The following KLF7 variants were observed in gnomAD, a reference collection of about 807,000 sequenced individuals.
The protein encoded by KLF7 is KLF transcription factor 7.
KLF7 carries 2 observed loss-of-function variants against 27.3 expected under a neutral mutation model. The ratio of observed to expected loss-of-function variants is 0.07; its 90% CI spans 0.03 to 0.23. KLF7 has a LOEUF of 0.23. Ranked by LOEUF, KLF7 falls within the 10% of genes least tolerant of loss-of-function variation. KLF7 has a pLI of 1.00. For synonymous variants in KLF7, 165 were observed against 162.4 expected, an observed-to-expected ratio of 1.02 and a Z score of -0.12; for missense variants, 221 against 394.1, an observed-to-expected ratio of 0.56 and a Z score of 3.72.
intron 2 of KLF7, among the ~76,000 whole-genome samples, chr2:207,117,464 C>G (rs1457770866): frequency 2.6e-5 from 4 of 152,162 alleles, no homozygotes; most frequent in Non-Finnish European, 4.4e-5. Flanking sequence ...AACATTTAAC[C>G]CTTATTCTTG....
intron 2 of KLF7, chr2:207,110,033 T>C (rs773169227): frequency 1.9e-5 from 3 of 154,848 alleles, no homozygotes; most frequent in Middle Eastern, 5.1e-4. Flanking sequence ...CATACGATTA[T>C]AATAGCATAT....
intron 2 of KLF7, among the ~76,000 whole-genome samples, chr2:207,118,261 C>T (rs1452364838): frequency 2.0e-5 from 3 of 152,022 alleles, no homozygotes; most frequent in African/African-American, 7.3e-5. Context: ...CTCTCTTTAA[C>T]ACTAACATTA....
intron 1 of KLF7, among the ~76,000 whole-genome samples, chr2:207,131,187 A>G (rs2077624304): frequency 6.6e-6 from 1 of 152,230 alleles, no homozygotes; most frequent in African/African-American, 2.4e-5. Flanking sequence ...TGGTGGTGAG[A>G]AGGATGATGC....
chr2:207,112,479 G>A (rs1225964741), intron 2 of KLF7, among the ~76,000 whole-genome samples: 1 of 152,174 alleles, frequency 6.6e-6, no homozygotes, highest in African/African-American at 2.4e-5. Flanking sequence ...TTGTGATAGG[G>A]TATGGTGGAT....
In KLF7 at chr2:207,079,191, G is replaced by C. The variant is rs1046234456; in HGVS notation, c.*2022C>G. The C allele has an allele frequency of 2.6e-5, 4 of 152,126 alleles. No individual in the cohort carries two copies. The highest frequency in any genetic ancestry group is 5.9e-5 in the Non-Finnish European group (4 of 68,038). The allele number at this position is 152,126 out of a possible 1,614,324, so 9.4% of individuals were successfully genotyped here. A position where few individuals can be genotyped will look rare whatever the true frequency, so the allele number is the denominator to read the frequency against. On this transcript the variant is annotated 3_prime_UTR_variant, in exon 4 of 4. Transcript: ENST00000309446. ...TCCAATTGGCAGCTATAGCATTTGT[G>C]AGGAGGTTCCTTTGCCCTCAGACGA... is the stretch of plus-strand genomic sequence containing the variant.
rs1245096155 is a variant in KLF7 at position 207,131,323 on chromosome 2, T to A, written c.103-6919A>T. Among the ~76,000 whole-genome samples the A allele has an allele frequency of 2.0e-5, 3 of 152,344 alleles. No homozygotes were observed. In the East Asian group the frequency reaches 5.8e-4, roughly 29 times the overall value. ...TCTGACATTTATTGTGTGGTTTTTG[T>A]CACATGCTATTAACCATGGTGTCAC... On this transcript the variant is annotated intron_variant, in intron 1 of 3. Coordinates refer to ENST00000309446, the MANE Select transcript of KLF7 (RefSeq NM_003709.4).
In KLF7 at chr2:207,077,963, G is replaced by C. The variant is rs754606738; in HGVS notation, c.*3250C>G. The C allele has an allele frequency of 6.6e-6, 1 of 152,214 alleles. No homozygotes were observed. The highest frequency in any genetic ancestry group is 2.4e-5 in the African/African-American group (1 of 41,436). The allele number at this position is 152,214 out of a possible 1,614,324, so 9.4% of individuals were successfully genotyped here. A position where few individuals can be genotyped will look rare whatever the true frequency, so the allele number is the denominator to read the frequency against. ...AGGTAACAACTGAAATGAGAAAGGGGTTTAATGTGTTTCAAATGTCCATTA... is the reference window on the plus strand; with the variant it reads ...AGGTAACAACTGAAATGAGAAAGGGCTTTAATGTGTTTCAAATGTCCATTA... On this transcript the variant is annotated 3_prime_UTR_variant, in exon 4 of 4. Transcript: ENST00000309446.
chr2:207,152,208 G>C (rs1183343145), intron 1 of KLF7, among the ~76,000 whole-genome samples: 1 of 148,750 alleles, frequency 6.7e-6, no homozygotes, highest in Non-Finnish European at 1.5e-5. Context: ...GCGGTTAATG[G>C]AATTCTCTAC....
chr2:207,164,351 G>A (rs949018178), intron 1 of KLF7, among the ~76,000 whole-genome samples: 2 of 152,104 alleles, frequency 1.3e-5, no homozygotes, highest in Admixed American at 1.3e-4. Context: ...GGTTTCTCCA[G>A]GACGGACTGT....
upstream of KLF7, chr2:207,167,176 T>G: frequency 7.0e-7 from 1 of 1,421,758 alleles, no homozygotes; most frequent in Non-Finnish European, 9.2e-7. Context: ...AGAGCTTCGA[T>G]GGTGAGAGGA....
At chr2:207,111,486 T>A (rs753835532) in intron 2 of KLF7, among the ~76,000 whole-genome samples, 1 of 152,230 alleles carries the variant, frequency 6.6e-6, no homozygotes, top group African/African-American at 2.4e-5. Context: ...TATTGTGGCT[T>A]AGCAGCAGCC....
intron 1 of KLF7, among the ~76,000 whole-genome samples, chr2:207,142,335 G>T (rs2077966145): frequency 6.6e-6 from 1 of 152,140 alleles, no homozygotes; most frequent in Non-Finnish European, 1.5e-5. Context: ...AACTCTGATG[G>T]CCTTTCAGGG....
chr2:207,135,684 A>G (rs2077764177), intron 1 of KLF7, among the ~76,000 whole-genome samples: 1 of 152,228 alleles, frequency 6.6e-6, no homozygotes, highest in Non-Finnish European at 1.5e-5. Flanking sequence ...GAAAGCCAGA[A>G]ATTCTTCCTT....
intron 1 of KLF7, among the ~76,000 whole-genome samples, chr2:207,132,826 A>G (rs1193930748): frequency 6.6e-6 from 1 of 152,244 alleles, no homozygotes; most frequent in Non-Finnish European, 1.5e-5. Context: ...ACAACTTGGA[A>G]ATGCATTTTC....
At chr2:207,138,855 A>T (rs768090) in intron 1 of KLF7, among the ~76,000 whole-genome samples, 98,363 of 152,130 alleles carry the variant, frequency 0.65, 32,188 homozygotes, top group Admixed American at 0.71. Flanking sequence ...GCTGCCTTAA[A>T]TAAGGAGATA....
chr2:207,166,740 G>C (rs184306665), upstream of KLF7: 2 of 951,994 alleles, frequency 2.1e-6, no homozygotes, highest in African/African-American at 3.6e-5. Flanking sequence ...GGCGGTGCCG[G>C]GGAGGTCCTC....
intron 2 of KLF7, among the ~76,000 whole-genome samples, chr2:207,118,472 A>G (rs1263621): frequency 0.44 from 66,874 of 152,078 alleles, 14,950 homozygotes; most frequent in South Asian, 0.52. Context: ...CATTTAAACT[A>G]TACGTCTTTA....
intron 1 of KLF7, among the ~76,000 whole-genome samples, chr2:207,135,082 G>C (rs1189984620): frequency 6.6e-6 from 1 of 152,178 alleles, no homozygotes; most frequent in Non-Finnish European, 1.5e-5. Flanking sequence ...GGATATAAAA[G>C]TTTAAGTAAG....
chr2:207,094,394 T>C (rs1057259468), intron 2 of KLF7, among the ~76,000 whole-genome samples: 1 of 152,204 alleles, frequency 6.6e-6, no homozygotes, highest in African/African-American at 2.4e-5. Flanking sequence ...CATTTAGGTA[T>C]GTCAAGGTCC....
Sources: allele counts gnomAD v4.1 joint callset (sites outside exome capture counted in the v4.1 genomes callset), GRCh38; gene constraint gnomAD v4.1.1; transcripts MANE v1.5; gene names NCBI Gene and HGNC (gene_info 2026-07-23, HGNC 2026-07-21).